Variants in SETBP1 observed in about 807,000 individuals in gnomAD.
SETBP1 encodes the protein SET-binding protein.
A neutral mutation model predicts 101.0 loss-of-function variants in SETBP1; 9 were observed. The observed-to-expected ratio is 0.09, with a 90% confidence interval of 0.05 to 0.16. The LOEUF is 0.16. Among genes scored for constraint, SETBP1 ranks in the 10% least tolerant of loss-of-function variants. The probability of loss-of-function intolerance (pLI) is 1.00; values close to 1 mark genes in which losing one functional copy is unlikely to be tolerated. For synonymous variants in SETBP1, 818 were observed against 788.5 expected (o/e 1.04, Z -0.63); for missense variants, 1,858 against 2,033.8 (o/e 0.91, Z 1.66).
chr18:44,791,971 T>TG (rs2144733505), intron 2 of SETBP1, among the ~76,000 whole-genome samples: 1 of 152,240 alleles, frequency 6.6e-6, no homozygotes, highest in South Asian at 2.1e-4. Flanking sequence ...AACCATGCAC[T>TG]TCAGTCCTGG....
chr18:44,740,134 T>G (rs933424370), intron 2 of SETBP1, among the ~76,000 whole-genome samples: 1 of 152,194 alleles, frequency 6.6e-6, no homozygotes, highest in African/African-American at 2.4e-5. Context: ...GTTTGGGTTA[T>G]TATTCTAGAG....
intron 2 of SETBP1, among the ~76,000 whole-genome samples, chr18:44,773,957 T>A (rs1486206364): frequency 6.6e-6 from 1 of 151,660 alleles, no homozygotes; most frequent in East Asian, 2.0e-4. Context: ...CATGTTAACA[T>A]ACTTCTAGTT....
At chr18:45,002,291 A>AT (rs5824568) in intron 4 of SETBP1, among the ~76,000 whole-genome samples, 29,747 of 136,844 alleles carry the variant, frequency 0.22, 3,369 homozygotes, top group East Asian at 0.47. Context: ...GAGAAGAACC[A>AT]TTTTTTTTTT....
intron 2 of SETBP1, among the ~76,000 whole-genome samples, chr18:44,747,663 G>A (rs1488295089): frequency 6.6e-6 from 1 of 152,234 alleles, no homozygotes; most frequent in Non-Finnish European, 1.5e-5. Flanking sequence ...TTTACAATAT[G>A]CAGTCTGTGT....
At chr18:44,977,278 G>A (rs1031471998) in intron 4 of SETBP1, among the ~76,000 whole-genome samples, 1 of 152,212 alleles carries the variant, frequency 6.6e-6, no homozygotes, top group African/African-American at 2.4e-5. Flanking sequence ...GGTATGTGTG[G>A]ACAACTGATA....
chr18:44,947,747 C>T (rs1174019010), intron 3 of SETBP1, among the ~76,000 whole-genome samples: 1 of 152,156 alleles, frequency 6.6e-6, no homozygotes, highest in Non-Finnish European at 1.5e-5. Context: ...CTCAGGTGAT[C>T]TGCCCGCCTC....
chr18:44,777,964 C>T (rs940172850), intron 2 of SETBP1, among the ~76,000 whole-genome samples: 1 of 152,214 alleles, frequency 6.6e-6, no homozygotes, highest in African/African-American at 2.4e-5. Flanking sequence ...TTTACAATCT[C>T]TAAGCAAATT....
chr18:44,960,507 G>A (rs2071590360), intron 4 of SETBP1, among the ~76,000 whole-genome samples: 1 of 151,706 alleles, frequency 6.6e-6, no homozygotes, highest in South Asian at 2.1e-4. Flanking sequence ...GTTAATTTTT[G>A]TTTTAATTTT....
At chr18:44,764,513 C>T (rs2070726817) in intron 2 of SETBP1, among the ~76,000 whole-genome samples, 1 of 152,140 alleles carries the variant, frequency 6.6e-6, no homozygotes, top group African/African-American at 2.4e-5. Context: ...TGCTCTGTCA[C>T]CCAGGCTGGA....
intron 2 of SETBP1, among the ~76,000 whole-genome samples, chr18:44,776,492 T>A (rs1214200630): frequency 6.6e-6 from 1 of 152,140 alleles, no homozygotes; most frequent in Admixed American, 6.5e-5. Flanking sequence ...AGTTAAAAAC[T>A]CCCCAAAAGC....
chr18:44,838,891 A>G (rs1042933837), intron 2 of SETBP1, among the ~76,000 whole-genome samples: 1 of 152,136 alleles, frequency 6.6e-6, no homozygotes, highest in Admixed American at 6.5e-5. Context: ...TTGTTGTGGC[A>G]TGCAGGAGCC....
intron 1 of SETBP1, among the ~76,000 whole-genome samples, chr18:44,691,173 G>C (rs879792951): frequency 6.6e-6 from 1 of 152,174 alleles, no homozygotes; most frequent in African/African-American, 2.4e-5. Context: ...TATATACCTC[G>C]ATTTGATTGT....
At chr18:44,841,944 C>T (rs7233025) in intron 2 of SETBP1, among the ~76,000 whole-genome samples, 123,970 of 152,246 alleles carry the variant, frequency 0.81, 50,633 homozygotes, top group African/African-American at 0.88. Flanking sequence ...GTCATTTGTA[C>T]TTATGACAGC....
At chr18:44,853,965 C>T (rs1043770967) in intron 2 of SETBP1, among the ~76,000 whole-genome samples, 2 of 152,138 alleles carry the variant, frequency 1.3e-5, no homozygotes, top group African/African-American at 4.8e-5. Flanking sequence ...CTCTCAAATT[C>T]TACATCAGAC....
intron 3 of SETBP1, among the ~76,000 whole-genome samples, chr18:44,922,941 T>C (rs935783583): frequency 1.3e-5 from 2 of 152,180 alleles, no homozygotes; most frequent in Non-Finnish European, 2.9e-5. Context: ...CAGGGACCAC[T>C]CTGGGAGATA....
chr18:44,905,773 C>T (rs923395979), intron 3 of SETBP1, among the ~76,000 whole-genome samples: 10 of 152,170 alleles, frequency 6.6e-5, no homozygotes, highest in African/African-American at 2.4e-5. Context: ...GTTTCAGCAT[C>T]GAAGCTAACA....
chr18:45,062,076 A>T (rs1174481483), intron 5 of SETBP1, among the ~76,000 whole-genome samples: 1 of 152,180 alleles, frequency 6.6e-6, no homozygotes, highest in Non-Finnish European at 1.5e-5. Flanking sequence ...CCTGCTCATG[A>T]CCAACACAAG....
intron 2 of SETBP1, among the ~76,000 whole-genome samples, chr18:44,835,110 A>G (rs907396105): frequency 1.3e-5 from 2 of 152,038 alleles, no homozygotes; most frequent in Non-Finnish European, 2.9e-5. Context: ...AGTATTAAGG[A>G]TGAGGGGAGG....
At chr18:44,995,825 T>A (rs2072486886) in intron 4 of SETBP1, among the ~76,000 whole-genome samples, 1 of 152,120 alleles carries the variant, frequency 6.6e-6, no homozygotes, top group South Asian at 2.1e-4. Context: ...CAAGAGCGCT[T>A]GTTGTATTAT....
Sources: allele counts gnomAD v4.1 joint callset (sites outside exome capture counted in the v4.1 genomes callset), GRCh38; gene constraint gnomAD v4.1.1; transcripts MANE v1.5; gene names NCBI Gene and HGNC (gene_info 2026-07-23, HGNC 2026-07-21).